TRHDE: variants seen among roughly 807,000 people sequenced by gnomAD.
The protein encoded by TRHDE is thyrotropin releasing hormone degrading enzyme, also known as thyrotropin-releasing hormone-degrading ectoenzyme.
In TRHDE, 72 loss-of-function variants were observed where a neutral mutation model predicts 125.7. The ratio of observed to expected loss-of-function variants is 0.57; its 90% confidence interval spans 0.47 to 0.70. TRHDE has a LOEUF of 0.70. TRHDE is among the 30% of genes least tolerant of loss of function. The pLI is 0.00. For missense variants in TRHDE, 1,110 were observed against 1,327.1 expected (o/e 0.84, Z 2.54); for synonymous variants, 509 against 509.1 (o/e 1.00, Z 0.00).
intron 3 of TRHDE, among the ~76,000 whole-genome samples, chr12:72,425,803 A>G (rs1874158090): frequency 6.6e-6 from 1 of 152,086 alleles, no homozygotes; most frequent in African/African-American, 2.4e-5. Flanking sequence ...GGTTTTTACT[A>G]TGGATCTGTG....
intron 2 of TRHDE, among the ~76,000 whole-genome samples, chr12:72,338,859 T>G (rs1262247209): frequency 6.6e-6 from 1 of 152,188 alleles, no homozygotes; most frequent in Non-Finnish European, 1.5e-5. Context: ...AATTTCAAGA[T>G]ATCGTAATCA....
intron 5 of TRHDE, among the ~76,000 whole-genome samples, chr12:72,490,223 A>G (rs747821074): frequency 2.0e-5 from 3 of 151,926 alleles, no homozygotes; most frequent in Non-Finnish European, 4.4e-5. Flanking sequence ...CAGCAGATAT[A>G]TGAAAAGATG....
At chr12:72,533,943 C>T (rs1868713952) in intron 6 of TRHDE, among the ~76,000 whole-genome samples, 1 of 151,946 alleles carries the variant, frequency 6.6e-6, no homozygotes, top group South Asian at 2.1e-4. Flanking sequence ...TGTTTGAATG[C>T]CATTACCTGA....
intron 2 of TRHDE, among the ~76,000 whole-genome samples, chr12:72,207,692 C>T (rs1877697219): frequency 6.6e-6 from 1 of 152,166 alleles, no homozygotes; most frequent in Non-Finnish European, 1.5e-5. Context: ...TGCACTTACT[C>T]TTCCCTATTC....
At chr12:72,447,104 A>C (rs1358827883) in intron 3 of TRHDE, among the ~76,000 whole-genome samples, 1 of 152,140 alleles carries the variant, frequency 6.6e-6, no homozygotes, top group Non-Finnish European at 1.5e-5. Context: ...GAAATTGACC[A>C]CATAGTTGGA....
At chr12:72,520,114 C>G (rs534313879) in intron 6 of TRHDE, among the ~76,000 whole-genome samples, 2 of 152,204 alleles carry the variant, frequency 1.3e-5, no homozygotes, top group African/African-American at 4.8e-5. Context: ...GCCCTGCCCC[C>G]AGAGGTGGAG....
chr12:72,507,440 A>T (rs1401270240), intron 6 of TRHDE, among the ~76,000 whole-genome samples: 26 of 152,194 alleles, frequency 1.7e-4, no homozygotes, highest in Non-Finnish European at 1.0e-4. Context: ...ATGAGTTCTC[A>T]GATGGAGATG....
At chr12:72,223,117 A>G (rs1473360231) in intron 2 of TRHDE, among the ~76,000 whole-genome samples, 1 of 152,072 alleles carries the variant, frequency 6.6e-6, no homozygotes, top group African/African-American at 2.4e-5. Flanking sequence ...ACAAGAGGCA[A>G]TCTGGGATCC....
chr12:72,180,112 G>A (rs1877066707), intron 2 of TRHDE, among the ~76,000 whole-genome samples: 1 of 151,748 alleles, frequency 6.6e-6, no homozygotes, highest in African/African-American at 2.4e-5. Context: ...CCATTCTGAA[G>A]TTCATTTGTT....
At chr12:72,613,832 G>A (rs1872713427) in intron 12 of TRHDE, among the ~76,000 whole-genome samples, 3 of 152,180 alleles carry the variant, frequency 2.0e-5, no homozygotes, top group African/African-American at 7.2e-5. Context: ...AATTGTGTTA[G>A]GCCATTCTTG....
chr12:72,519,289 A>T (rs1879050892), intron 6 of TRHDE, among the ~76,000 whole-genome samples: 1 of 152,144 alleles, frequency 6.6e-6, no homozygotes, highest in Non-Finnish European at 1.5e-5. Context: ...CACCAATCAG[A>T]TGTAGATTTG....
chr12:72,461,234 A>G (rs1351355810), intron 3 of TRHDE, among the ~76,000 whole-genome samples: 1 of 152,202 alleles, frequency 6.6e-6, no homozygotes, highest in African/African-American at 2.4e-5. Context: ...GACCATCAGG[A>G]GAAAAATGTA....
At chr12:72,352,322 C>T (rs1296854857) in intron 2 of TRHDE, among the ~76,000 whole-genome samples, 2 of 151,444 alleles carry the variant, frequency 1.3e-5, no homozygotes, top group East Asian at 2.0e-4. Flanking sequence ...AGAAACAATT[C>T]GTTGATCACC....
rs371026752 is a variant in TRHDE, at chr12:72,664,167, A to G, written c.*972A>G. On this transcript the variant is annotated 3_prime_UTR_variant, in exon 19 of 19. Coordinates refer to ENST00000261180, the MANE Select transcript of TRHDE (RefSeq NM_013381.3). ...CAGTTCTCCTGTGTCAGTCTTGCCT[A>G]TAGATTTTGCCATCGTTTTCTGTCA... The G allele has an allele frequency of 5.2e-5, 8 of 152,578 alleles. No homozygotes were observed. In the East Asian group the frequency reaches 5.8e-4, roughly 11 times the overall value. 9.5% of individuals were successfully genotyped at this position (152,578 alleles called of 1,614,324 possible).
intron 2 of TRHDE, among the ~76,000 whole-genome samples, chr12:72,168,723 T>C (rs1413462900): frequency 6.6e-6 from 1 of 152,224 alleles, no homozygotes; most frequent in Non-Finnish European, 1.5e-5. Context: ...ATTTTTTTTT[T>C]CTGATAAATT....
intron 18 of TRHDE, among the ~76,000 whole-genome samples, chr12:72,659,611 T>C (rs984092885): frequency 3.3e-5 from 5 of 152,224 alleles, no homozygotes; most frequent in Non-Finnish European, 5.9e-5. Context: ...GATGTTGATA[T>C]CTAGGATACC....
chr12:72,585,236 G>A (rs969535382), intron 12 of TRHDE, among the ~76,000 whole-genome samples: 3 of 151,930 alleles, frequency 2.0e-5, no homozygotes, highest in Non-Finnish European at 4.4e-5. Context: ...AATTCATTTC[G>A]TCTTTTCTCT....
intron 2 of TRHDE, among the ~76,000 whole-genome samples, chr12:72,153,746 C>T (rs558854729): frequency 2.2e-4 from 34 of 152,328 alleles, no homozygotes; most frequent in African/African-American, 7.7e-4. Flanking sequence ...TTTGATTGCA[C>T]TGTGGTCTGA....
At chr12:72,609,086 G>A (rs1203324487) in intron 12 of TRHDE, among the ~76,000 whole-genome samples, 1 of 152,178 alleles carries the variant, frequency 6.6e-6, no homozygotes, top group East Asian at 1.9e-4. Context: ...GGCTATCACA[G>A]TGCCTGTCTG....
Sources: allele counts gnomAD v4.1 joint callset (sites outside exome capture counted in the v4.1 genomes callset), GRCh38; gene constraint gnomAD v4.1.1; transcripts MANE v1.5; gene names NCBI Gene and HGNC (gene_info 2026-07-23, HGNC 2026-07-21).